LZTFL1: variants seen among roughly 807,000 people sequenced by gnomAD.
LZTFL1 encodes leucine zipper transcription factor-like protein 1.
LZTFL1 carries 25 observed loss-of-function variants against 45.9 expected under a neutral mutation model. The observed-to-expected ratio is 0.54, with a 90% CI of 0.40 to 0.76. LZTFL1 has a LOEUF of 0.76. Among genes scored for constraint, LZTFL1 ranks in the 30% least tolerant of loss-of-function variants. The pLI is 0.00. For missense variants in LZTFL1, 277 were observed against 331.1 expected (o/e 0.84, Z 1.27); for synonymous variants, 93 against 117.4 (o/e 0.79, Z 1.35).
chr3:45,913,750 T>C (rs894043740), intron 1 of LZTFL1, among the ~76,000 whole-genome samples: 3 of 152,206 alleles, frequency 2.0e-5, no homozygotes, highest in Admixed American at 6.5e-5. Flanking sequence ...CCTTTGATTC[T>C]GTGTACCGAC....
At chr3:45,894,143 G>A (rs1221334928) in intron 2 of LZTFL1, among the ~76,000 whole-genome samples, 3 of 152,172 alleles carry the variant, frequency 2.0e-5, no homozygotes. Context: ...TTATGTAGGG[G>A]TGGGCTTTAA....
At chr3:45,912,322 C>T (rs950994469) in intron 2 of LZTFL1, among the ~76,000 whole-genome samples, 2 of 152,122 alleles carry the variant, frequency 1.3e-5, no homozygotes, top group African/African-American at 2.4e-5. Flanking sequence ...AGAAATATTA[C>T]AAAAATGGTC....
Position 45,901,421 on chromosome 3 carries a change from G to A in LZTFL1, c.-215+11699C>T. On this transcript the variant is annotated intron_variant, in intron 2 of 4. Coordinates refer to the LZTFL1 transcript ENST00000472635. This position sits in a 1 kb window ranked among gnomAD's most constrained non-coding sequence, Gnocchi z 4.3. ...CTAGCGATGAGAGCACCAAACTGAA[G>A]TCAGCTGTCTTGACCCTGAAGGTCA... 1.6e-5 allele frequency: 26 copies of A among 1,614,172 alleles called. No homozygotes were observed. Among genetic ancestry groups the A allele is most frequent in the Non-Finnish European group, 2.2e-5 (26 of 1,180,030 alleles).
chr3:45,859,096 C>T (rs1166540966), intron 2 of LZTFL1: 2 of 152,240 alleles, frequency 1.3e-5, no homozygotes, highest in Non-Finnish European at 2.9e-5. Flanking sequence ...TTCTATTCTC[C>T]TGGATGGTGC....
At chr3:45,890,058 CT>C (rs1702099808) in intron 2 of LZTFL1, among the ~76,000 whole-genome samples, 1 of 150,166 alleles carries the variant, frequency 6.7e-6, no homozygotes, top group African/African-American at 2.5e-5. Flanking sequence ...GTGTGGAGGC[CT>C]TTTTTCCAAA....
At position 45,834,317 on chromosome 3, in the gene LZTFL1, G is replaced by C; in HGVS notation, c.324-19C>G. ...TAATTCTCTTGAAGAAGAAAGCAAA[G>C]ATAAAAATTATTCATTTAAAATAGA... On this transcript the variant is annotated intron_variant, in intron 3 of 9. Transcript: ENST00000296135. The C allele has an allele frequency of 6.7e-7, 1 of 1,492,390 alleles. No individual in the cohort carries two copies. Among genetic ancestry groups the C allele is most frequent in the Non-Finnish European group, 9.3e-7 (1 of 1,077,280 alleles). The allele number at this position is 1,492,390 out of a possible 1,614,324, so 92.4% of individuals were successfully genotyped here. A position where few individuals can be genotyped will look rare whatever the true frequency, so the allele number is the denominator to read the frequency against.
intron 4 of LZTFL1, among the ~76,000 whole-genome samples, chr3:45,854,108 T>C (rs566850265): frequency 6.6e-6 from 1 of 152,338 alleles, no homozygotes; most frequent in East Asian, 1.9e-4. Flanking sequence ...CTCCTTTCTG[T>C]GGTTTCTTGC....
intron 8 of LZTFL1, 148 bp downstream of exon 8, chr3:45,828,291 A>T: frequency 1.5e-6 from 1 of 652,486 alleles, no homozygotes; most frequent in Non-Finnish European, 2.6e-6. Flanking sequence ...GGAAATGATT[A>T]ATCTTTAGAA....
intron 2 of LZTFL1, among the ~76,000 whole-genome samples, chr3:45,878,219 G>A (rs867292107): frequency 6.6e-6 from 1 of 152,162 alleles, no homozygotes; most frequent in South Asian, 2.1e-4. Context: ...TTTGGAATAT[G>A]CAAAACATTA....
At chr3:45,907,435 T>C (rs2125770249) in intron 2 of LZTFL1, among the ~76,000 whole-genome samples, 2 of 152,350 alleles carry the variant, frequency 1.3e-5, no homozygotes, top group South Asian at 4.1e-4. Context: ...TCAAGGAACC[T>C]GTCTCTTCCT....
intron 2 of LZTFL1, chr3:45,913,102 T>G: frequency 1.3e-6 from 2 of 1,535,812 alleles, no homozygotes; most frequent in Non-Finnish European, 1.7e-6. Context: ...ATATGTTCTG[T>G]AAATGGTTCA....
intron 2 of LZTFL1, among the ~76,000 whole-genome samples, chr3:45,887,434 G>A (rs1298454318): frequency 6.6e-6 from 1 of 152,150 alleles, no homozygotes; most frequent in African/African-American, 2.4e-5. Context: ...TTTATGATCA[G>A]AGTAAAGCAA....
intron 4 of LZTFL1, chr3:45,854,957 T>C: frequency 6.9e-7 from 1 of 1,455,348 alleles, no homozygotes; most frequent in Non-Finnish European, 9.3e-7. Flanking sequence ...AACATAATTA[T>C]AATATGTCAG....
At chr3:45,895,017 T>C in intron 2 of LZTFL1, 2 of 1,509,880 alleles carry the variant, frequency 1.3e-6, no homozygotes, top group Admixed American at 1.7e-5. Flanking sequence ...TTTTAGGGGG[T>C]GTGGGAAGGA....
chr3:45,842,881 C>A (rs1701155305), upstream of LZTFL1, among the ~76,000 whole-genome samples: 1 of 152,188 alleles, frequency 6.6e-6, no homozygotes, highest in East Asian at 1.9e-4. Flanking sequence ...CTTAGAAACA[C>A]TGGCTTGGAA....
rs939936183 is a variant in LZTFL1 at position 45,895,750 on chromosome 3, T to C, written c.-215+17370A>G. Among the ~76,000 whole-genome samples, 5 of 152,026 alleles carry C rather than the reference T, an allele frequency of 3.3e-5. No individual in the cohort carries two copies. In the East Asian group the frequency reaches 7.7e-4, roughly 24 times the overall value. On this transcript the variant is annotated intron_variant, in intron 2 of 4. Transcript: ENST00000472635. Reference sequence around the variant, plus strand: ...AAAAAATCAGTGAGTCAAATCATAATCCAGAGAATCTTTTTTTCTTTTACA... The same window carrying C: ...AAAAAATCAGTGAGTCAAATCATAACCCAGAGAATCTTTTTTTCTTTTACA...
At chr3:45,862,297 T>A (rs991245285) in intron 2 of LZTFL1, among the ~76,000 whole-genome samples, 1 of 152,212 alleles carries the variant, frequency 6.6e-6, no homozygotes, top group African/African-American at 2.4e-5. Flanking sequence ...CGGACCAGGC[T>A]GGAAAAACCC....
chr3:45,826,859 C>G (rs1305888021), intron 9 of LZTFL1, among the ~76,000 whole-genome samples: 1 of 152,208 alleles, frequency 6.6e-6, no homozygotes, highest in East Asian at 1.9e-4. Context: ...ACTGGACATA[C>G]CCTTAACTGG....
intron 2 of LZTFL1, among the ~76,000 whole-genome samples, chr3:45,888,428 C>T (rs1702049332): frequency 6.6e-6 from 1 of 152,170 alleles, no homozygotes; most frequent in African/African-American, 2.4e-5. Context: ...TTATTTGCAG[C>T]CATGACTTAC....
Sources: allele counts gnomAD v4.1 joint callset (sites outside exome capture counted in the v4.1 genomes callset), GRCh38; gene constraint gnomAD v4.1.1; non-coding constraint Gnocchi (gnomAD v3.1); transcripts MANE v1.5; gene names NCBI Gene and HGNC (gene_info 2026-07-23, HGNC 2026-07-21).